SPTLC2: variants seen among roughly 807,000 people sequenced by gnomAD.
The protein encoded by SPTLC2 is serine palmitoyltransferase 2.
In SPTLC2, 21 loss-of-function variants were observed where a neutral mutation model predicts 62.0. The ratio of observed to expected loss-of-function variants is 0.34; its 90% CI spans 0.24 to 0.49. The LOEUF is 0.49. Among genes scored for constraint, SPTLC2 ranks in the 20% least tolerant of loss-of-function variants. The pLI is 0.99. For missense variants in SPTLC2, 511 were observed against 713.0 expected (o/e 0.72, Z 3.23); for synonymous variants, 261 against 261.8 (o/e 1.00, Z 0.03).
intron 6 of SPTLC2, among the ~76,000 whole-genome samples, chr14:77,560,227 T>C (rs1039683086): frequency 9.9e-5 from 15 of 152,182 alleles, no homozygotes; most frequent in African/African-American, 2.9e-4. Flanking sequence ...TGTATGTTCA[T>C]TGTAGCACTA....
chr14:77,555,464 T>C lies in SPTLC2; in HGVS notation c.1012A>G (p.Lys338Glu). Residue 338 changes from lysine to glutamate, a missense_variant, in exon 8 of 12, where the codon AAG becomes GAG. Lys to Glu is a moderately conservative substitution (Grantham distance 56, BLOSUM62 1). Coordinates refer to ENST00000216484, the MANE Select transcript of SPTLC2 (RefSeq NM_004863.4). ...GCCTCATCCAGATACAAGTATGCCT[T>C]GTATTTCTTCTTGAGGGCAATCACT... Reference protein sequence around the residue: ...PEVIALKKKYKAYLYLDEAHS... With the variant: ...PEVIALKKKYEAYLYLDEAHS... 6.2e-7 allele frequency: 1 copy of C among 1,614,172 alleles called. No homozygotes were observed. The highest frequency in any genetic ancestry group is 8.5e-7 in the Non-Finnish European group (1 of 1,180,028).
chr14:77,554,267 G>C (rs2079571134), intron 8 of SPTLC2, among the ~76,000 whole-genome samples: 1 of 152,138 alleles, frequency 6.6e-6, no homozygotes. Flanking sequence ...GCTTCATTGT[G>C]ATATAAGCCA....
intron 4 of SPTLC2, among the ~76,000 whole-genome samples, chr14:77,573,139 T>C (rs932654997): frequency 2.0e-5 from 3 of 152,100 alleles, no homozygotes; most frequent in Non-Finnish European, 4.4e-5. Flanking sequence ...TTTAATCTCA[T>C]GGAGGTAGCG....
At chr14:77,593,986 C>T (rs2079832824) in intron 2 of SPTLC2, among the ~76,000 whole-genome samples, 1 of 152,078 alleles carries the variant, frequency 6.6e-6, no homozygotes, top group Non-Finnish European at 1.5e-5. Context: ...GTTTTAAATG[C>T]TAATGTTATC....
chr14:77,512,045 CTGAA>C lies in SPTLC2; in HGVS notation c.*235_*238del, dbSNP rs1206544785. The C allele has an allele frequency of 3.4e-5, 19 of 555,762 alleles. No individual in the cohort carries two copies. The highest frequency in any genetic ancestry group is 6.1e-5 in the Non-Finnish European group (19 of 312,430). 34.4% of individuals were successfully genotyped at this position (555,762 alleles called of 1,614,324 possible). On this transcript the variant is annotated 3_prime_UTR_variant, in exon 12 of 12. Coordinates refer to ENST00000216484, the MANE Select transcript of SPTLC2 (RefSeq NM_004863.4). Reference sequence around the variant, plus strand: ...CAAAATAAAATGTTTTTTTAATGGACTGAAAAAGCAAAGTGAGTCACCTTCGTTT... The same window carrying C: ...CAAAATAAAATGTTTTTTTAATGGACAAAGCAAAGTGAGTCACCTTCGTTT...
chr14:77,610,922 T>C (rs2079932352), intron 1 of SPTLC2, among the ~76,000 whole-genome samples: 1 of 149,826 alleles, frequency 6.7e-6, no homozygotes, highest in Non-Finnish European at 1.5e-5. Flanking sequence ...TATATATTTT[T>C]ATTTATTTTT....
chr14:77,587,256 G>A (rs1329414096), intron 2 of SPTLC2, among the ~76,000 whole-genome samples: 1 of 151,632 alleles, frequency 6.6e-6, no homozygotes, highest in Non-Finnish European at 1.5e-5. Flanking sequence ...CTCAAACACA[G>A]CCGGTAGGTG....
chr14:77,524,545 G>A (rs1157632880), intron 9 of SPTLC2, among the ~76,000 whole-genome samples: 1 of 152,066 alleles, frequency 6.6e-6, no homozygotes, highest in Non-Finnish European at 1.5e-5. Context: ...GTGTATCAAA[G>A]GGATGTGTGC....
Position 77,602,539 on chromosome 14 carries a change from GGTTT to G in SPTLC2, c.133-5163_133-5160del, listed in dbSNP as rs201494876. 5.1e-3 allele frequency among the ~76,000 whole-genome samples: 746 copies of G among 146,560 alleles called. 9 individuals are homozygous for G. The highest frequency in any genetic ancestry group is 0.017 in the African/African-American group (691 of 40,436). ...GAGAGAATTTTAAGGAGGTTGAAAA[GGTTT>G]GTTTCTTTTTTTTTTTTTTTTCTAT... On this transcript the variant is annotated intron_variant, in intron 1 of 11. Coordinates refer to ENST00000216484, the MANE Select transcript of SPTLC2 (RefSeq NM_004863.4).
chr14:77,549,674 T>G (rs1193916709), intron 9 of SPTLC2, among the ~76,000 whole-genome samples: 2 of 152,358 alleles, frequency 1.3e-5, no homozygotes, highest in South Asian at 2.1e-4. Flanking sequence ...CTGTGGCATC[T>G]GTGAGCATAA....
chr14:77,580,343 A>G (rs1210982724), intron 2 of SPTLC2, among the ~76,000 whole-genome samples: 1 of 151,616 alleles, frequency 6.6e-6, no homozygotes, highest in Non-Finnish European at 1.5e-5. Flanking sequence ...TTAGCTGGGC[A>G]TGGTGGCGGG....
chr14:77,549,145 G>A (rs1296026337), intron 9 of SPTLC2, among the ~76,000 whole-genome samples: 3 of 151,304 alleles, frequency 2.0e-5, no homozygotes, highest in African/African-American at 7.3e-5. Context: ...CCATCCTTGG[G>A]TAATGAGTGA....
chr14:77,539,226 G>GA (rs1010774036), intron 9 of SPTLC2, among the ~76,000 whole-genome samples: 1 of 151,568 alleles, frequency 6.6e-6, no homozygotes, highest in Non-Finnish European at 1.5e-5. Context: ...ATCAAATTGG[G>GA]AAAAAACAGA....
Position 77,562,397 on chromosome 14 carries a change from G to A in SPTLC2, c.849C>T (p.Asn283=), listed in dbSNP as rs2079619554. 6.2e-7 allele frequency: 1 copy of A among 1,613,694 alleles called. No homozygotes were observed. The change falls in exon 6 of 12, where the codon AAC becomes AAT. Residue 283 remains asparagine (N), a splice_region_variant and synonymous_variant. Coordinates refer to ENST00000216484, the MANE Select transcript of SPTLC2 (RefSeq NM_004863.4). Reference sequence around the variant, plus strand: ...CAGTGAATTCTTCAGCAAACTCACTGTTGTGTTTGAAGATTCTAATGGTTG... The same window carrying A: ...CAGTGAATTCTTCAGCAAACTCACTATTGTGTTTGAAGATTCTAATGGTTG... ...SGATIRIFKH[N]NMQSLEKLLK... is the part of the protein sequence containing the mutation.
chr14:77,577,881 CAG>C (rs1223316202), intron 3 of SPTLC2, among the ~76,000 whole-genome samples: 1 of 152,058 alleles, frequency 6.6e-6, no homozygotes, highest in Non-Finnish European at 1.5e-5. Flanking sequence ...GCCTGGGTGA[CAG>C]AGCAAGACTC....
chr14:77,522,466 T>C (rs565046636), intron 9 of SPTLC2, among the ~76,000 whole-genome samples: 31 of 152,312 alleles, frequency 2.0e-4, no homozygotes, highest in African/African-American at 7.5e-4. Context: ...CCTAGCCTGT[T>C]TCCTTAAAAT....
intron 5 of SPTLC2, among the ~76,000 whole-genome samples, chr14:77,564,889 A>G (rs1055676465): frequency 8.5e-5 from 13 of 152,166 alleles, no homozygotes; most frequent in African/African-American, 3.1e-4. Context: ...TTCCTTACAC[A>G]AAAATTCTAA....
intron 4 of SPTLC2, among the ~76,000 whole-genome samples, chr14:77,574,329 T>C (rs913059260): frequency 2.0e-5 from 3 of 152,142 alleles, no homozygotes; most frequent in East Asian, 1.9e-4. Context: ...AGGGTTAAAG[T>C]TGGGCTACAA....
At position 77,510,542 on chromosome 14, in the gene SPTLC2, G is replaced by A. The variant is rs9323644; in HGVS notation, c.*1742C>T. The stretch of plus-strand genomic sequence containing the variant: ...GGCTAGAGTGCAGTGGCACAATCTC[G>A]TCTCACTGCAACCTCCGCCTCCTGG... On this transcript the variant is annotated 3_prime_UTR_variant, in exon 12 of 12. Transcript: ENST00000216484. 0.034 allele frequency: 5,203 copies of A among 152,144 alleles called. 236 individuals are homozygous for A. The highest frequency in any genetic ancestry group is 0.11 in the African/African-American group (4,620 of 41,444). 9.4% of individuals were successfully genotyped at this position (152,144 alleles called of 1,614,324 possible).
Sources: gnomAD v4.1 joint callset for allele counts (sites outside exome capture counted in the v4.1 genomes callset) on GRCh38, gnomAD v4.1.1 for gene constraint, MANE v1.5 for transcripts, NCBI Gene and HGNC (gene_info 2026-07-23, HGNC 2026-07-21) for gene names.